The following ROBO2 variants were observed in gnomAD, a reference collection of about 807,000 sequenced individuals.
ROBO2 encodes the protein roundabout guidance receptor 2, also known as roundabout homolog 2.
A neutral mutation model predicts 160.8 loss-of-function variants in ROBO2; 53 were observed. The ratio of observed to expected loss-of-function variants is 0.33; its 90% CI spans 0.26 to 0.41. The LOEUF is 0.41. ROBO2 is among the 10% of genes least tolerant of loss of function. The probability of loss-of-function intolerance (pLI) is 1.00; values close to 1 mark genes in which losing one functional copy is unlikely to be tolerated. For synonymous variants in ROBO2, 664 were observed against 611.7 expected, an observed-to-expected ratio of 1.09 and a Z score of -1.26; for missense variants, 1,577 against 1,722.4, an observed-to-expected ratio of 0.92 and a Z score of 1.49.
Position 76,624,295 on chromosome 3 carries a change from T to A in ROBO2, c.110-473719T>A, listed in dbSNP as rs114740371. On this transcript the variant is annotated intron_variant, in intron 2 of 26. Coordinates refer to the ROBO2 transcript ENST00000487694. ...AGAACGGGCAGAACCTGGTAAGTGG[T>A]GCTTGTTTTCTCAGCTGAGTCCCTT... Among the ~76,000 whole-genome samples, 469 of 152,262 alleles carry A rather than the reference T, an allele frequency of 3.1e-3. 4 individuals are homozygous for A. The highest frequency in any genetic ancestry group is 0.011 in the African/African-American group (457 of 41,556).
intron 2 of ROBO2, among the ~76,000 whole-genome samples, chr3:76,793,597 T>C (rs866337892): frequency 2.6e-5 from 4 of 151,844 alleles, no homozygotes; most frequent in Non-Finnish European, 5.9e-5. Flanking sequence ...AATTCTTTTT[T>C]TTTCTTTTAT....
intron 2 of ROBO2, among the ~76,000 whole-genome samples, chr3:76,075,301 A>G (rs1461035163): frequency 6.6e-6 from 1 of 151,964 alleles, no homozygotes; most frequent in Non-Finnish European, 1.5e-5. Flanking sequence ...TTACCAGGAA[A>G]GCAAGGTACA....
At chr3:77,468,588 A>G (rs934648896) in intron 2 of ROBO2, among the ~76,000 whole-genome samples, 1 of 152,184 alleles carries the variant, frequency 6.6e-6, no homozygotes, top group Admixed American at 6.5e-5. Flanking sequence ...ACACGGCTAA[A>G]AAAAGGATTC....
intron 2 of ROBO2, among the ~76,000 whole-genome samples, chr3:76,156,030 C>T (rs1295619565): frequency 1.3e-5 from 2 of 152,018 alleles, no homozygotes; most frequent in Non-Finnish European, 2.9e-5. Context: ...TTTGCTTCTC[C>T]CTGCCTGTTT....
intron 2 of ROBO2, among the ~76,000 whole-genome samples, chr3:76,363,994 T>C (rs908356624): frequency 6.6e-6 from 1 of 152,066 alleles, no homozygotes; most frequent in Non-Finnish European, 1.5e-5. Flanking sequence ...TGTTGTCAGA[T>C]TAAAACTCTC....
intron 2 of ROBO2, among the ~76,000 whole-genome samples, chr3:75,939,749 A>G (rs1947957997): frequency 6.6e-6 from 1 of 152,168 alleles, no homozygotes; most frequent in Non-Finnish European, 1.5e-5. Context: ...CTCATTAAAT[A>G]TTAAATATTA....
chr3:77,126,782 C>CTTTTTT (rs11365042), intron 2 of ROBO2, among the ~76,000 whole-genome samples: 44 of 62,620 alleles, frequency 7.0e-4, no homozygotes, highest in East Asian at 1.4e-3. Context: ...TTTGAAACTT[C>CTTTTTT]TTTTTTTTTT....
intron 2 of ROBO2, among the ~76,000 whole-genome samples, chr3:76,144,685 T>C: frequency 1.3e-5 from 2 of 152,080 alleles, no homozygotes; most frequent in East Asian, 1.9e-4. Context: ...TACTTCACAG[T>C]TCAGCTACCC....
chr3:76,320,684 G>T (rs2107875881), intron 2 of ROBO2, among the ~76,000 whole-genome samples: 1 of 152,290 alleles, frequency 6.6e-6, no homozygotes, highest in South Asian at 2.1e-4. Context: ...ATTGCTCCTG[G>T]CTAACAAGTA....
intron 2 of ROBO2, among the ~76,000 whole-genome samples, chr3:76,398,627 T>C (rs1157874931): frequency 6.6e-6 from 1 of 151,778 alleles, no homozygotes; most frequent in South Asian, 2.1e-4. Context: ...TACACTAAAC[T>C]AATATAAATT....
At chr3:76,612,758 T>G (rs1367041314) in intron 2 of ROBO2, among the ~76,000 whole-genome samples, 1 of 152,196 alleles carries the variant, frequency 6.6e-6, no homozygotes, top group Non-Finnish European at 1.5e-5. Context: ...TACATGCTTC[T>G]GTGTTGGACG....
At chr3:76,879,166 T>C (rs2073087021) in intron 2 of ROBO2, among the ~76,000 whole-genome samples, 1 of 152,174 alleles carries the variant, frequency 6.6e-6, no homozygotes, top group South Asian at 2.1e-4. Context: ...AGTTTTCATG[T>C]CGTATTTAAT....
intron 1 of ROBO2, among the ~76,000 whole-genome samples, chr3:75,928,901 TGA>T (rs1947402510): frequency 1.8e-5 from 2 of 108,588 alleles, no homozygotes; most frequent in African/African-American, 8.4e-5. Flanking sequence ...TGTGTGTGTG[TGA>T]TAGCTGATGA....
At chr3:76,247,865 A>T (rs1375790276) in intron 2 of ROBO2, among the ~76,000 whole-genome samples, 1 of 151,904 alleles carries the variant, frequency 6.6e-6, no homozygotes, top group Non-Finnish European at 1.5e-5. Context: ...GAAGACATTT[A>T]TGCAGCCAAA....
chr3:77,467,390 G>A (rs903471549), intron 2 of ROBO2, among the ~76,000 whole-genome samples: 1 of 152,102 alleles, frequency 6.6e-6, no homozygotes, highest in African/African-American at 2.4e-5. Context: ...AGGGAAACCA[G>A]GCAGGCATTC....
chr3:76,802,702 T>C (rs1199995196), intron 2 of ROBO2, among the ~76,000 whole-genome samples: 2 of 141,710 alleles, frequency 1.4e-5, no homozygotes, highest in African/African-American at 5.2e-5. Context: ...CACTCCAGCC[T>C]GGGCGACAGA....
chr3:77,199,781 C>A (rs922504979), intron 2 of ROBO2, among the ~76,000 whole-genome samples: 13 of 139,412 alleles, frequency 9.3e-5, no homozygotes, highest in Non-Finnish European at 6.5e-5. Context: ...TGCCACCGTA[C>A]CTCGCTAATT....
chr3:77,090,599 C>T (rs2070077856), intron 1 of ROBO2, among the ~76,000 whole-genome samples: 1 of 151,854 alleles, frequency 6.6e-6, no homozygotes, highest in Non-Finnish European at 1.5e-5. Context: ...CGTGATCTGC[C>T]CGCCTCGGCC....
At chr3:76,840,515 C>T (rs1696197744) in intron 2 of ROBO2, among the ~76,000 whole-genome samples, 1 of 151,100 alleles carries the variant, frequency 6.6e-6, no homozygotes, top group South Asian at 2.1e-4. Context: ...GAGGCTGAGG[C>T]AGGAGAATCG....
Sources: allele counts gnomAD v4.1 joint callset (sites outside exome capture counted in the v4.1 genomes callset), GRCh38; gene constraint gnomAD v4.1.1; transcripts MANE v1.5; gene names NCBI Gene and HGNC (gene_info 2026-07-23, HGNC 2026-07-21).